Variants in CALN1 observed in about 807,000 individuals in gnomAD.
CALN1 encodes calcium-binding protein 8.
CALN1 carries 17 observed loss-of-function variants against 30.6 expected under a neutral mutation model. That is an observed-to-expected ratio of 0.56 (90% CI 0.38 to 0.83). CALN1 has a LOEUF of 0.83. Ranked by LOEUF, CALN1 falls within the 40% of genes least tolerant of loss-of-function variation. The pLI, the probability that CALN1 is intolerant of heterozygous loss-of-function variation, is 0.00. For synonymous variants in CALN1, 156 were observed against 131.4 expected, an observed-to-expected ratio of 1.19 and a Z score of -1.28; for missense variants, 291 against 354.9, an observed-to-expected ratio of 0.82 and a Z score of 1.45.
chr7:71,868,747 T>C (rs1163638847), intron 5 of CALN1, among the ~76,000 whole-genome samples: 1 of 152,102 alleles, frequency 6.6e-6, no homozygotes, highest in Non-Finnish European at 1.5e-5. Flanking sequence ...CCCCAGGTCC[T>C]ACCTCCAACA....
In CALN1 at chr7:72,100,129, C is replaced by T. The variant is rs937950452; in HGVS notation, c.388+6022G>A. On this transcript the variant is annotated intron_variant, in intron 4 of 6. Coordinates refer to ENST00000395275, the MANE Select transcript of CALN1 (RefSeq NM_031468.4). Reference sequence around the variant, plus strand: ...AAGCATGAACTTGGGGCCGAAGACGCTTAAATCTTTTTTTTAATTTTTTTG... The same window carrying T: ...AAGCATGAACTTGGGGCCGAAGACGTTTAAATCTTTTTTTTAATTTTTTTG... Among the ~76,000 whole-genome samples, 8 of 148,726 alleles carry T rather than the reference C, an allele frequency of 5.4e-5. No homozygotes were observed. In the Admixed American group the frequency reaches 5.5e-4, roughly 10 times the overall value.
the CALN1 span, among the ~76,000 whole-genome samples, chr7:72,492,443 C>A: frequency 6.6e-6 from 1 of 152,206 alleles, no homozygotes; most frequent in Non-Finnish European, 1.5e-5. Context: ...TGATTGGTTC[C>A]ACCCTTTGGG....
chr7:72,005,324 A>C (rs561019440), intron 5 of CALN1, among the ~76,000 whole-genome samples: 6 of 152,272 alleles, frequency 3.9e-5, no homozygotes, highest in African/African-American at 1.2e-4. Flanking sequence ...CAGTAAAAAG[A>C]AGCAAACTGT....
At chr7:72,473,429 T>C in the CALN1 span, among the ~76,000 whole-genome samples, 4 of 151,990 alleles carry the variant, frequency 2.6e-5, no homozygotes, top group Non-Finnish European at 5.9e-5. Context: ...AATGAAAAAA[T>C]CGCTCCAGTC....
intron 2 of CALN1, among the ~76,000 whole-genome samples, chr7:72,285,020 G>C (rs1797991278): frequency 6.6e-6 from 1 of 152,136 alleles, no homozygotes; most frequent in African/African-American, 2.4e-5. Context: ...GTGTTCTGCA[G>C]GGCTTCTAAA....
chr7:72,133,122 G>A (rs1188461859), intron 3 of CALN1, among the ~76,000 whole-genome samples: 1 of 151,972 alleles, frequency 6.6e-6, no homozygotes, highest in African/African-American at 2.4e-5. Flanking sequence ...AGACCCCGGT[G>A]CCAAAAAGGG....
intron 3 of CALN1, among the ~76,000 whole-genome samples, chr7:72,146,145 T>G (rs1287678352): frequency 6.6e-6 from 1 of 152,118 alleles, no homozygotes; most frequent in Non-Finnish European, 1.5e-5. Context: ...GAGAAAGAAA[T>G]AAAGGGTATT....
chr7:72,462,531 A>G, the CALN1 span, among the ~76,000 whole-genome samples: 1 of 152,154 alleles, frequency 6.6e-6, no homozygotes, highest in East Asian at 1.9e-4. Flanking sequence ...CCTGCTGGGA[A>G]TGACTGATGA....
At chr7:72,149,885 G>A (rs765878750) in intron 3 of CALN1, among the ~76,000 whole-genome samples, 1 of 151,854 alleles carries the variant, frequency 6.6e-6, no homozygotes, top group Non-Finnish European at 1.5e-5. Flanking sequence ...ACATGGAGGC[G>A]GGCAGATCAC....
At chr7:72,135,156 T>G (rs760769452) in intron 3 of CALN1, among the ~76,000 whole-genome samples, 13 of 152,198 alleles carry the variant, frequency 8.5e-5, no homozygotes, top group African/African-American at 3.1e-4. Context: ...CACTGAAGTC[T>G]TGAACCCCTC....
chr7:72,236,402 A>G (rs1794477393), intron 3 of CALN1, among the ~76,000 whole-genome samples: 2 of 152,226 alleles, frequency 1.3e-5, no homozygotes, highest in South Asian at 2.1e-4. Context: ...GAAGAAACCA[A>G]TAAAATGGGA....
At chr7:72,435,712 C>A (rs918084075) in intron 1 of CALN1, among the ~76,000 whole-genome samples, 29 of 152,068 alleles carry the variant, frequency 1.9e-4, no homozygotes, top group African/African-American at 7.0e-4. Flanking sequence ...TCTTCCCTGG[C>A]TCCGGCACAA....
chr7:71,808,812 T>C (rs1161231455), intron 6 of CALN1, among the ~76,000 whole-genome samples: 7 of 152,190 alleles, frequency 4.6e-5, no homozygotes. Context: ...GCTTTCATTG[T>C]GTGGGGCTCA....
intron 3 of CALN1, among the ~76,000 whole-genome samples, chr7:72,225,012 G>A (rs879772027): frequency 4.0e-5 from 6 of 151,708 alleles, no homozygotes; most frequent in African/African-American, 1.2e-4. Context: ...GCAGGAGAAC[G>A]GCATGCATGA....
intron 5 of CALN1, among the ~76,000 whole-genome samples, chr7:71,922,628 TA>T (rs1205885181): frequency 7.2e-5 from 10 of 137,960 alleles, no homozygotes; most frequent in African/African-American, 2.5e-4. Context: ...ATATTATATA[TA>T]AATATATAAC....
chr7:71,991,562 A>G (rs924995313), intron 5 of CALN1, among the ~76,000 whole-genome samples: 2 of 151,758 alleles, frequency 1.3e-5, no homozygotes, highest in East Asian at 3.9e-4. Flanking sequence ...ATTCTGACCA[A>G]TCAATCTATA....
chr7:72,428,271 T>C (rs904637426), intron 1 of CALN1, among the ~76,000 whole-genome samples: 1 of 152,078 alleles, frequency 6.6e-6, no homozygotes, highest in Non-Finnish European at 1.5e-5. Context: ...CTGGACAATA[T>C]ACAAAAGAGA....
intron 3 of CALN1, among the ~76,000 whole-genome samples, chr7:72,140,670 C>A (rs887368398): frequency 6.6e-6 from 1 of 152,244 alleles, no homozygotes; most frequent in Non-Finnish European, 1.5e-5. Flanking sequence ...ACAGAGGCAA[C>A]CCTGGTTGGC....
At chr7:72,399,222 T>A (rs1585662255) in intron 2 of CALN1, among the ~76,000 whole-genome samples, 2 of 149,324 alleles carry the variant, frequency 1.3e-5, no homozygotes, top group African/African-American at 4.9e-5. Flanking sequence ...GTGGGAAGGG[T>A]GGTGTCCCTA....
Sources: gnomAD v4.1 joint callset for allele counts (sites outside exome capture counted in the v4.1 genomes callset) on GRCh38, gnomAD v4.1.1 for gene constraint, MANE v1.5 for transcripts, NCBI Gene and HGNC (gene_info 2026-07-23, HGNC 2026-07-21) for gene names.